Variants in OSBP observed in about 807,000 individuals in gnomAD.
The protein encoded by OSBP is oxysterol-binding protein 1.
A neutral mutation model predicts 96.6 loss-of-function variants in OSBP; 32 were observed. The ratio of observed to expected loss-of-function variants is 0.33; its 90% CI spans 0.25 to 0.45. The LOEUF (loss-of-function observed/expected upper bound fraction) is 0.45, where lower values mean the gene tolerates loss of function less well. OSBP is among the 20% of genes least tolerant of loss of function. OSBP has a pLI of 1.00. For missense variants in OSBP, 653 were observed against 1,029.7 expected (o/e 0.63, Z 5.01); for synonymous variants, 369 against 389.6 (o/e 0.95, Z 0.62).
chr11:59,578,979 G>T (rs1860389756), intron 11 of OSBP, among the ~76,000 whole-genome samples: 1 of 151,850 alleles, frequency 6.6e-6, no homozygotes, highest in African/African-American at 2.4e-5. Context: ...AATTATTTTT[G>T]ACTGTAGTCA....
Position 59,574,972 on chromosome 11 carries a change from G to A in OSBP, c.*1605C>T, listed in dbSNP as rs1860343075. 1 of 152,366 alleles carries A rather than the reference G, an allele frequency of 6.6e-6. No homozygotes were observed. Among genetic ancestry groups the A allele is most frequent in the East Asian group, 1.9e-4 (1 of 5,204 alleles). The allele number at this position is 152,366 out of a possible 1,614,324, so 9.4% of individuals were successfully genotyped here. A position where few individuals can be genotyped will look rare whatever the true frequency, so the allele number is the denominator to read the frequency against. ...GCATACAAGGAAGGCACCTCAATTT[G>A]TGATCCTCAACCAAGGGTGGGTTGC... is the stretch of plus-strand genomic sequence containing the variant. On this transcript the variant is annotated 3_prime_UTR_variant, in exon 14 of 14. Coordinates refer to ENST00000263847, the MANE Select transcript of OSBP (RefSeq NM_002556.3).
rs1464673048 is a variant in OSBP at position 59,587,282 on chromosome 11, C to G, written c.1679-5728G>C. ...TTGGGAAGCCGAGGCAGGCAGATCACTTGAGGTCAGGAGTTCAAGACCAGC... is the reference window on the plus strand; with the variant it reads ...TTGGGAAGCCGAGGCAGGCAGATCAGTTGAGGTCAGGAGTTCAAGACCAGC... On this transcript the variant is annotated intron_variant, in intron 9 of 13. Transcript: ENST00000263847. Among the ~76,000 whole-genome samples the G allele has an allele frequency of 2.0e-5, 3 of 152,242 alleles. No individual in the cohort carries two copies. In the East Asian group the frequency reaches 5.8e-4, roughly 29 times the overall value.
intron 2 of OSBP, among the ~76,000 whole-genome samples, chr11:59,609,138 A>G (rs1359815073): frequency 2.0e-5 from 3 of 152,250 alleles, no homozygotes; most frequent in Non-Finnish European, 4.4e-5. Flanking sequence ...CTCTAGCTTG[A>G]TGATTCCTAT....
intron 1 of OSBP, among the ~76,000 whole-genome samples, chr11:59,613,838 T>A (rs892579684): frequency 6.6e-6 from 1 of 152,334 alleles, no homozygotes; most frequent in East Asian, 1.9e-4. Context: ...TAAAAATGTG[T>A]TCCTGCCAAC....
chr11:59,595,400 C>G (rs1200687156), intron 7 of OSBP, among the ~76,000 whole-genome samples: 3 of 152,042 alleles, frequency 2.0e-5, no homozygotes, highest in Non-Finnish European at 2.9e-5. Context: ...AAACACAACA[C>G]TTTTCTTTCT....
chr11:59,576,640 A>G lies in OSBP; in HGVS notation c.2361T>C (p.Tyr787=). The G allele has an allele frequency of 6.2e-7, 1 of 1,614,094 alleles. No individual in the cohort carries two copies. Among genetic ancestry groups the G allele is most frequent in the African/African-American group, 1.3e-5 (1 of 75,032 alleles). ...DPVTKELTHI[Y]RGEYWECKEK... Reference sequence around the variant, plus strand: ...CTTTACACTCCCAGTATTCTCCCCTATAAATATGGGTTAACTCCTTGGTAA... The same window carrying G: ...CTTTACACTCCCAGTATTCTCCCCTGTAAATATGGGTTAACTCCTTGGTAA... The change falls in exon 14 of 14, where the codon TAT becomes TAC. Residue 787 remains tyrosine, a synonymous_variant. Transcript: ENST00000263847.
intron 4 of OSBP, 62 bp downstream of exon 4, chr11:59,601,578 T>C: frequency 2.0e-6 from 3 of 1,468,236 alleles, no homozygotes; most frequent in Non-Finnish European, 2.9e-6. Context: ...AGTTCTCCTA[T>C]CAACTGCAGA....
chr11:59,608,473 T>C lies in OSBP; in HGVS notation c.822+11A>G, dbSNP rs1218720919. 9.9e-6 allele frequency: 16 copies of C among 1,614,162 alleles called. No individual in the cohort carries two copies. The highest frequency in any genetic ancestry group is 1.6e-4 in the Middle Eastern group (1 of 6,062). ...GAATCAAAAAGCAACACAGACACCA[T>C]CTGCACTCACGTTGATCATGGCATT... On this transcript the variant is annotated intron_variant, in intron 3 of 13. Transcript: ENST00000263847.
intron 1 of OSBP, among the ~76,000 whole-genome samples, chr11:59,614,487 G>C (rs914119221): frequency 6.6e-6 from 1 of 152,186 alleles, no homozygotes; most frequent in Non-Finnish European, 1.5e-5. Context: ...TGATGGCCAG[G>C]TTATGAGTCA....
chr11:59,580,143 G>A (rs755097271), intron 11 of OSBP, 31 bp downstream of exon 11: 153 of 1,412,248 alleles, frequency 1.1e-4, no homozygotes, highest in Admixed American at 5.5e-4. Context: ...TACATGCTAC[G>A]TGAAACAATT....
At chr11:59,613,787 G>A (rs114923943) in intron 1 of OSBP, among the ~76,000 whole-genome samples, 84 of 152,326 alleles carry the variant, frequency 5.5e-4, no homozygotes, top group African/African-American at 2.0e-3. Flanking sequence ...TAAGCAGTGA[G>A]GATGAGCTAT....
chr11:59,599,934 A>T (rs1044670309), intron 7 of OSBP, among the ~76,000 whole-genome samples: 1 of 152,224 alleles, frequency 6.6e-6, no homozygotes, highest in Non-Finnish European at 1.5e-5. Flanking sequence ...TTTTCAGCTG[A>T]GGACTGACAT....
At chr11:59,598,414 C>T (rs1174907367) in intron 7 of OSBP, among the ~76,000 whole-genome samples, 1 of 152,118 alleles carries the variant, frequency 6.6e-6, no homozygotes, top group African/African-American at 2.4e-5. Flanking sequence ...CTCGCCCATC[C>T]CCACCATCCA....
intron 7 of OSBP, among the ~76,000 whole-genome samples, chr11:59,596,707 A>G (rs890520221): frequency 7.9e-5 from 12 of 151,770 alleles, no homozygotes; most frequent in African/African-American, 2.9e-4. Flanking sequence ...CCAAGAGAGG[A>G]GGATCAGGAG....
At chr11:59,599,805 G>A (rs1860697542) in intron 7 of OSBP, among the ~76,000 whole-genome samples, 1 of 152,236 alleles carries the variant, frequency 6.6e-6, no homozygotes, top group Non-Finnish European at 1.5e-5. Flanking sequence ...GATGCCTGAA[G>A]GAAATCCTAA....
chr11:59,585,326 C>T (rs559723214), intron 9 of OSBP, among the ~76,000 whole-genome samples: 13 of 151,724 alleles, frequency 8.6e-5, no homozygotes, highest in Non-Finnish European at 1.0e-4. Flanking sequence ...TGCCCGGCCG[C>T]GACCCCGTCT....
chr11:59,600,245 T>C (rs1313668872), intron 7 of OSBP, among the ~76,000 whole-genome samples: 2 of 152,212 alleles, frequency 1.3e-5, no homozygotes, highest in African/African-American at 4.8e-5. Flanking sequence ...CCCCAGTGCA[T>C]CTAGCATAGG....
chr11:59,614,250 CA>C (rs1373669206), intron 1 of OSBP, among the ~76,000 whole-genome samples: 9 of 152,280 alleles, frequency 5.9e-5, no homozygotes, highest in Middle Eastern at 3.4e-3. Context: ...CCCAGCTGCT[CA>C]AAAACCTTGG....
At chr11:59,600,089 T>C (rs180949079) in intron 7 of OSBP, among the ~76,000 whole-genome samples, 19 of 152,318 alleles carry the variant, frequency 1.2e-4, no homozygotes, top group Admixed American at 1.2e-3. Flanking sequence ...CGATTTTTGC[T>C]TCTGTGTTCC....
Sources: allele counts gnomAD v4.1 joint callset (sites outside exome capture counted in the v4.1 genomes callset), GRCh38; gene constraint gnomAD v4.1.1; transcripts MANE v1.5; gene names NCBI Gene and HGNC (gene_info 2026-07-23, HGNC 2026-07-21).